CLOCK: variants seen among roughly 807,000 people sequenced by gnomAD.
CLOCK encodes the protein clock circadian regulator, also known as circadian locomoter output cycles protein kaput.
A neutral mutation model predicts 118.4 loss-of-function variants in CLOCK; 43 were observed. The observed-to-expected ratio is 0.36, with a 90% CI of 0.28 to 0.47. CLOCK has a LOEUF of 0.47. CLOCK is among the 20% of genes least tolerant of loss of function. The probability of loss-of-function intolerance (pLI) is 1.00; values close to 1 mark genes in which losing one functional copy is unlikely to be tolerated. For missense variants in CLOCK, 846 were observed against 999.9 expected (o/e 0.85, Z 2.08); for synonymous variants, 326 against 339.2 (o/e 0.96, Z 0.43).
chr4:55,537,446 C>T (rs1204048012), intron 1 of CLOCK, among the ~76,000 whole-genome samples: 1 of 152,038 alleles, frequency 6.6e-6, no homozygotes, highest in Non-Finnish European at 1.5e-5. Context: ...TAGTGAAACC[C>T]TATCTCTACA....
chr4:55,442,726 T>TCA, intron 20 of CLOCK, 92 bp from the exon 21 acceptor site: 1 of 1,121,550 alleles, frequency 8.9e-7, no homozygotes, highest in Non-Finnish European at 1.3e-6. Context: ...AATATGACAA[T>TCA]ATGACAGAGA....
intron 1 of CLOCK, among the ~76,000 whole-genome samples, chr4:55,518,770 G>C (rs568798403): frequency 6.8e-4 from 104 of 152,260 alleles, no homozygotes; most frequent in African/African-American, 2.4e-3. Flanking sequence ...CCAGTCTCTA[G>C]AACTGAAAAC....
chr4:55,484,650 ATTG>A (rs1727167215), intron 3 of CLOCK, among the ~76,000 whole-genome samples: 1 of 152,138 alleles, frequency 6.6e-6, no homozygotes. Flanking sequence ...TTCAAAAAGA[ATTG>A]TTAAGAGTAA....
intron 18 of CLOCK, among the ~76,000 whole-genome samples, chr4:55,448,339 A>G (rs1724054127): frequency 6.6e-6 from 1 of 152,204 alleles, no homozygotes; most frequent in East Asian, 1.9e-4. Context: ...GAACAGCTAC[A>G]TTTCATCCTT....
Position 55,482,828 on chromosome 4 carries a change from C to T in CLOCK, c.-43G>A. On this transcript the variant is annotated splice_region_variant and 5_prime_UTR_variant, in exon 4 of 23. Transcript: ENST00000513440. ...TCTTGTAGTAGACATTTGTACTTCT[C>T]CTTAGGTGAAAAGAAAAATAAATGG... is the stretch of plus-strand genomic sequence containing the variant. The T allele has an allele frequency of 1.4e-6, 2 of 1,435,828 alleles. No homozygotes were observed. Among genetic ancestry groups the T allele is most frequent in the Non-Finnish European group, 1.9e-6 (2 of 1,031,514 alleles). The allele number at this position is 1,435,828 out of a possible 1,614,324, so 88.9% of individuals were successfully genotyped here.
intron 1 of CLOCK, among the ~76,000 whole-genome samples, chr4:55,521,284 T>C (rs372459297): frequency 6.6e-6 from 1 of 152,336 alleles, no homozygotes; most frequent in South Asian, 2.1e-4. Context: ...AATGGCATGA[T>C]CTCAGCTCAC....
intron 1 of CLOCK, among the ~76,000 whole-genome samples, chr4:55,528,993 A>T (rs1048771853): frequency 4.6e-5 from 7 of 152,218 alleles, no homozygotes; most frequent in African/African-American, 1.7e-4. Context: ...TCTCATTCCA[A>T]GATGGCAATT....
At chr4:55,479,756 A>G in intron 4 of CLOCK, 57 bp from the exon 5 acceptor site, 5 of 1,344,118 alleles carry the variant, frequency 3.7e-6, no homozygotes, top group Non-Finnish European at 5.4e-6. Context: ...CAGCAATACT[A>G]AAGTGACATG....
chr4:55,530,177 C>T (rs1730445797), intron 1 of CLOCK, among the ~76,000 whole-genome samples: 1 of 152,120 alleles, frequency 6.6e-6, no homozygotes, highest in Non-Finnish European at 1.5e-5. Flanking sequence ...CATATCTAAA[C>T]ACATAATTAT....
intron 1 of CLOCK, among the ~76,000 whole-genome samples, chr4:55,540,149 AG>A (rs1731169120): frequency 6.6e-6 from 1 of 151,770 alleles, no homozygotes; most frequent in Non-Finnish European, 1.5e-5. Flanking sequence ...CTGGGATTAC[AG>A]GCACCCGCCA....
At chr4:55,496,211 A>G (rs1728071504) in intron 2 of CLOCK, among the ~76,000 whole-genome samples, 1 of 152,018 alleles carries the variant, frequency 6.6e-6, no homozygotes. Context: ...AACAATCAAA[A>G]AACAAAAACA....
Position 55,453,776 on chromosome 4 carries a change from T to C in CLOCK, c.1031A>G (p.Lys344Arg). 1 of 1,609,876 alleles carries C rather than the reference T, an allele frequency of 6.2e-7. No individual in the cohort carries two copies. Among genetic ancestry groups the C allele is most frequent in the Non-Finnish European group, 8.5e-7 (1 of 1,177,498 alleles). ...GKSCYYRFLT[K>R]GQQWIWLQTH... ...CTGAAGCCAAATCCACTGTTGCCCC[T>C]TAGTCAGGAACCTATAATAACATGA... The change falls in exon 14 of 23, where the codon AAG (lysine) becomes AGG (arginine). Residue 344 changes from lysine to arginine, a missense_variant. Coordinates refer to ENST00000513440, the MANE Select transcript of CLOCK (RefSeq NM_004898.4).
intron 18 of CLOCK, among the ~76,000 whole-genome samples, chr4:55,446,101 CTTTTTTTTTTTT>C (rs766235766): frequency 9.3e-6 from 1 of 107,372 alleles, no homozygotes; most frequent in Non-Finnish European, 1.9e-5. Context: ...AATTTAACTT[CTTTTTTTTTTTT>C]TTTTTTTTGA....
intron 2 of CLOCK, among the ~76,000 whole-genome samples, chr4:55,503,323 C>T (rs146994876): frequency 8.1e-4 from 123 of 152,300 alleles, no homozygotes; most frequent in African/African-American, 2.8e-3. Flanking sequence ...AAAAGATGAA[C>T]CACTGCTACA....
At chr4:55,470,976 C>T (rs765627809) in intron 7 of CLOCK, among the ~76,000 whole-genome samples, 170 bp from the exon 8 acceptor site, 2 of 152,066 alleles carry the variant, frequency 1.3e-5, no homozygotes, top group Non-Finnish European at 2.9e-5. Flanking sequence ...TATCTTTGTT[C>T]ATTTTTAAAT....
At chr4:55,522,268 A>G (rs1254313299) in intron 1 of CLOCK, among the ~76,000 whole-genome samples, 1 of 152,210 alleles carries the variant, frequency 6.6e-6, no homozygotes, top group Non-Finnish European at 1.5e-5. Context: ...CACAAACTTT[A>G]AAGAAAAAAA....
chr4:55,445,047 T>G (rs1484054715), intron 18 of CLOCK, among the ~76,000 whole-genome samples: 1 of 143,550 alleles, frequency 7.0e-6, no homozygotes, highest in Non-Finnish European at 1.5e-5. Flanking sequence ...GCCAAGAAAG[T>G]GCTCAACTCC....
chr4:55,527,538 T>C (rs1018987470), intron 1 of CLOCK, among the ~76,000 whole-genome samples: 1 of 152,058 alleles, frequency 6.6e-6, no homozygotes, highest in African/African-American at 2.4e-5. Context: ...GATTCAATCA[T>C]TATATAGGCA....
intron 1 of CLOCK, among the ~76,000 whole-genome samples, chr4:55,538,327 G>A (rs576371129): frequency 8.5e-5 from 13 of 152,216 alleles, no homozygotes; most frequent in Admixed American, 5.9e-4. Context: ...AGATGATGCC[G>A]ATATTGGAAA....
Sources: allele counts gnomAD v4.1 joint callset (sites outside exome capture counted in the v4.1 genomes callset), GRCh38; gene constraint gnomAD v4.1.1; transcripts MANE v1.5; gene names NCBI Gene and HGNC (gene_info 2026-07-23, HGNC 2026-07-21).